The following DHRS7C variants were observed in gnomAD, a reference collection of about 807,000 sequenced individuals.
The protein encoded by DHRS7C is dehydrogenase/reductase SDR family member 7C.
Under a neutral mutation model 29.6 loss-of-function variants are expected in DHRS7C, and 28 were observed. That is an observed-to-expected ratio of 0.95 (90% CI 0.70 to 1.30). The LOEUF (loss-of-function observed/expected upper bound fraction) is 1.30, where lower values mean the gene tolerates loss of function less well. Among genes scored for constraint, DHRS7C ranks in the 50% most tolerant of loss-of-function variants. DHRS7C has a pLI of 0.00. For synonymous variants in DHRS7C, 158 were observed against 160.2 expected, an observed-to-expected ratio of 0.99 and a Z score of 0.10; for missense variants, 403 against 393.3, an observed-to-expected ratio of 1.02 and a Z score of -0.21.
intron 5 of DHRS7C, among the ~76,000 whole-genome samples, chr17:9,772,380 G>A (rs1567699734): frequency 6.6e-6 from 1 of 152,218 alleles, no homozygotes; most frequent in Non-Finnish European, 1.5e-5. Context: ...GGCTTCCAGT[G>A]CAGGTGGCCT....
intron 5 of DHRS7C, 149 bp from the exon 6 acceptor site, chr17:9,771,845 G>A (rs2066331009): frequency 2.9e-6 from 2 of 696,800 alleles, no homozygotes; most frequent in African/African-American, 1.8e-5. Flanking sequence ...CCCGCGGACC[G>A]CGGCGACCAG....
At position 9,772,817 on chromosome 17, in the gene DHRS7C, G is replaced by A. The variant is rs2280490; in HGVS notation, c.677C>T (p.Ser226Leu). 0.11 allele frequency: 177,175 copies of A among 1,613,558 alleles called. 10,006 individuals carry two copies. Among genetic ancestry groups the A allele is most frequent in the East Asian group, 0.13 (5,862 of 44,862 alleles). Residue 226 changes from serine to leucine, a missense_variant, in exon 5 of 6, where the codon TCG (serine) becomes TTG (leucine). By Grantham distance (145) the Ser-to-Leu change is moderately radical (BLOSUM62 -2). Transcript: ENST00000571134. ...ISTVSPTFIR[S>L]YHVYPEQGNW... ...TCCTTGCTCTGGATACACGTGGTAC[G>A]ACCGGATGAAAGTCGGGCTCACGGT...
chr17:9,776,820 T>A (rs2066364797), intron 4 of DHRS7C, among the ~76,000 whole-genome samples: 2 of 152,154 alleles, frequency 1.3e-5, no homozygotes, highest in Non-Finnish European at 2.9e-5. Flanking sequence ...CCAATGGTAA[T>A]CTTCCTTGAC....
intron 2 of DHRS7C, among the ~76,000 whole-genome samples, chr17:9,780,721 C>T (rs1321783789): frequency 6.6e-6 from 1 of 152,188 alleles, no homozygotes; most frequent in Non-Finnish European, 1.5e-5. Flanking sequence ...ATAGGCTGTT[C>T]TCCAAGTTCT....
rs147973494 is a variant in DHRS7C, at chr17:9,772,876, T to A, written c.618A>T (p.Arg206=). The part of the protein sequence containing the change: ...HAALGFFDCL[R]AEVEEYDVVI... ...CAACATCGTATTCCTCCACTTCGGC[T>A]CGGAGGCAGTCAAAGAAGCCCAGGG... is the stretch of plus-strand genomic sequence containing the variant. Residue 206 remains arginine (R), a synonymous_variant, in exon 5 of 6, where the codon CGA becomes CGT. Transcript: ENST00000571134. 13 of 1,613,848 alleles carry A rather than the reference T, an allele frequency of 8.1e-6. No individual in the cohort carries two copies. In the East Asian group the frequency reaches 2.9e-4, roughly 36 times the overall value.
chr17:9,783,381 A>G (rs1437436340), intron 1 of DHRS7C, among the ~76,000 whole-genome samples: 1 of 152,214 alleles, frequency 6.6e-6, no homozygotes, highest in African/African-American at 2.4e-5. Context: ...TTTGTCTCCA[A>G]GTTAAATTGA....
At chr17:9,778,263 G>A (rs190959957) in intron 3 of DHRS7C, among the ~76,000 whole-genome samples, 162 of 152,058 alleles carry the variant, frequency 1.1e-3, no homozygotes, top group Middle Eastern at 6.8e-3. Context: ...GCGTGGTGGC[G>A]GGCGCCTGTA....
chr17:9,784,428 C>A (rs113579592), intron 1 of DHRS7C, among the ~76,000 whole-genome samples: 11 of 150,750 alleles, frequency 7.3e-5, no homozygotes, highest in African/African-American at 2.4e-4. Flanking sequence ...GCTGAGATTG[C>A]GCCACTGCAC....
At chr17:9,788,427 G>A (rs1315292694) in intron 1 of DHRS7C, among the ~76,000 whole-genome samples, 4 of 151,822 alleles carry the variant, frequency 2.6e-5, no homozygotes, top group African/African-American at 7.3e-5. Flanking sequence ...GGCTGGTCTC[G>A]AACTCCTGAC....
intron 1 of DHRS7C, 21 bp downstream of exon 1, chr17:9,791,110 G>A (rs1266757631): frequency 7.5e-6 from 12 of 1,602,006 alleles, no homozygotes; most frequent in East Asian, 2.3e-5. Flanking sequence ...ATGGGCACAG[G>A]TGGGAGCAAA....
In DHRS7C at chr17:9,791,288, G is replaced by C. The variant is rs2066453861; in HGVS notation, c.-4C>G. 1 of 1,613,378 alleles carries C rather than the reference G, an allele frequency of 6.2e-7. No individual in the cohort carries two copies. Among genetic ancestry groups the C allele is most frequent in the African/African-American group, 1.3e-5 (1 of 74,950 alleles). On this transcript the variant is annotated 5_prime_UTR_variant, in exon 1 of 6. Coordinates refer to ENST00000571134, the MANE Select transcript of DHRS7C (RefSeq NM_001105571.3). ...TCAGCATGGCCATGACTCCCATCTT[G>C]TTCTGGGGGACAACGGAGTAAAAGG... is the stretch of plus-strand genomic sequence containing the variant.
At chr17:9,776,691 C>T (rs536656460) in intron 4 of DHRS7C, among the ~76,000 whole-genome samples, 18 of 152,236 alleles carry the variant, frequency 1.2e-4, no homozygotes, top group African/African-American at 2.2e-4. Context: ...TTTGAAAGGA[C>T]GCTCATATTT....
At position 9,781,542 on chromosome 17, in the gene DHRS7C, C is replaced by T. The variant is rs1554462; in HGVS notation, c.207G>A (p.Lys69=). 1 of 1,613,916 alleles carries T rather than the reference C, an allele frequency of 6.2e-7. No homozygotes were observed. The highest frequency in any genetic ancestry group is 1.3e-5 in the African/African-American group (1 of 74,940). The change falls in exon 2 of 6, where the codon AAG becomes AAA. Residue 69 remains lysine (K), a synonymous_variant. Coordinates refer to ENST00000571134, the MANE Select transcript of DHRS7C (RefSeq NM_001105571.3). Reference sequence around the variant, plus strand: ...ATAGGTTCTCTAGCCTCTCCCAGTTCTTTCCACACAGCACCAGCCTTGCCC... The same window carrying T: ...ATAGGTTCTCTAGCCTCTCCCAGTTTTTTCCACACAGCACCAGCCTTGCCC... ...TGGARLVLCG[K]NWERLENLYD...
chr17:9,776,527 C>A (rs1372059435), intron 4 of DHRS7C, among the ~76,000 whole-genome samples: 1 of 152,100 alleles, frequency 6.6e-6, no homozygotes, highest in Non-Finnish European at 1.5e-5. Context: ...TTACTGAGCC[C>A]CTAATTTGCA....
In DHRS7C at chr17:9,775,972, C is replaced by T. The variant is rs748584373; in HGVS notation, c.571+1221G>A. ...ATCCCAGCACTTTGGGAGGTCAAGG[C>T]GGGTGAATCACCAGAGGTCAGGAGT... On this transcript the variant is annotated intron_variant, in intron 4 of 5. Transcript: ENST00000571134. The surrounding 1 kb of genome is among the most constrained non-coding windows in gnomAD (Gnocchi z 4.2). 4.6e-5 allele frequency among the ~76,000 whole-genome samples: 7 copies of T among 152,234 alleles called. No homozygotes were observed. Among genetic ancestry groups the T allele is most frequent in the East Asian group, 1.9e-4 (1 of 5,168 alleles).
chr17:9,779,529 G>A (rs559189323), intron 3 of DHRS7C, among the ~76,000 whole-genome samples: 3 of 152,252 alleles, frequency 2.0e-5, no homozygotes, highest in Admixed American at 1.3e-4. Context: ...CAGAGACGTC[G>A]AATTGGAGGG....
chr17:9,776,786 G>A (rs974924968), intron 4 of DHRS7C, among the ~76,000 whole-genome samples: 10 of 152,082 alleles, frequency 6.6e-5, no homozygotes, highest in African/African-American at 1.9e-4. Context: ...CCCATTTTGT[G>A]ATGTGCACCC....
At chr17:9,791,061 C>A in intron 1 of DHRS7C, 70 bp downstream of exon 1, 2 of 1,530,394 alleles carry the variant, frequency 1.3e-6, no homozygotes, top group Non-Finnish European at 8.8e-7. Flanking sequence ...GCCCTGCCGC[C>A]CTGCCACCCT....
chr17:9,776,162 C>T lies in DHRS7C; in HGVS notation c.571+1031G>A, dbSNP rs370717652. 1.3e-4 allele frequency among the ~76,000 whole-genome samples: 20 copies of T among 152,268 alleles called. No individual in the cohort carries two copies. The South Asian group carries it at 3.7e-3, about 28-fold the overall frequency. ...AGGTTGCAGTGAGCCAAGACCTTGC[C>T]ATTGCACTCCAGCCTGGGCAACAGA... On this transcript the variant is annotated intron_variant, in intron 4 of 5. Transcript: ENST00000571134.
Sources: allele counts gnomAD v4.1 joint callset (sites outside exome capture counted in the v4.1 genomes callset), GRCh38; gene constraint gnomAD v4.1.1; non-coding constraint Gnocchi (gnomAD v3.1); transcripts MANE v1.5; gene names NCBI Gene and HGNC (gene_info 2026-07-23, HGNC 2026-07-21).